Variants in SLC25A26 observed in about 807,000 individuals in gnomAD.
The protein encoded by SLC25A26 is solute carrier family 25 member 26, also known as mitochondrial S-adenosylmethionine carrier protein.
SLC25A26 carries 36 observed loss-of-function variants against 37.8 expected under a neutral mutation model. The ratio of observed to expected loss-of-function variants is 0.95; its 90% CI spans 0.73 to 1.26. The LOEUF is 1.26. Ranked by LOEUF, SLC25A26 falls within the 50% of genes most tolerant of loss-of-function variation. The pLI, the probability that SLC25A26 is intolerant of heterozygous loss-of-function variation, is 0.00. For synonymous variants in SLC25A26, 129 were observed against 122.5 expected, an observed-to-expected ratio of 1.05 and a Z score of -0.35; for missense variants, 390 against 331.1, an observed-to-expected ratio of 1.18 and a Z score of -1.38.
chr3:66,240,702 C>G (rs1263525546), intron 2 of SLC25A26, among the ~76,000 whole-genome samples: 1 of 150,842 alleles, frequency 6.6e-6, no homozygotes, highest in Non-Finnish European at 1.5e-5. Context: ...AGGCTAGTAT[C>G]TAAATATATT....
At chr3:66,267,458 G>A (rs1232018532) in intron 5 of SLC25A26, among the ~76,000 whole-genome samples, 1 of 152,170 alleles carries the variant, frequency 6.6e-6, no homozygotes, top group Non-Finnish European at 1.5e-5. Flanking sequence ...CTGTTTGCCA[G>A]GGACTGGAGT....
intron 1 of SLC25A26, among the ~76,000 whole-genome samples, chr3:66,150,050 A>G (rs535341644): frequency 1.1e-4 from 16 of 152,308 alleles, no homozygotes; most frequent in African/African-American, 3.8e-4. Flanking sequence ...CTCCTAATGC[A>G]TGGATCAATA....
At chr3:66,300,108 A>C (rs1320784526) in intron 5 of SLC25A26, among the ~76,000 whole-genome samples, 1 of 152,146 alleles carries the variant, frequency 6.6e-6, no homozygotes, top group Non-Finnish European at 1.5e-5. Flanking sequence ...CATATTTTCA[A>C]AATGCCCGTG....
intron 5 of SLC25A26, among the ~76,000 whole-genome samples, chr3:66,293,719 G>A (rs1011643315): frequency 2.0e-5 from 3 of 152,114 alleles, no homozygotes; most frequent in Non-Finnish European, 4.4e-5. Flanking sequence ...AGGAAGTGAT[G>A]TCGTTTTTTC....
rs138004379 is a variant in SLC25A26 at position 66,303,510 on chromosome 3, A to G, written c.453+40131A>G. Among the ~76,000 whole-genome samples, 760 of 152,326 alleles carry G rather than the reference A, an allele frequency of 5.0e-3. 11 individuals are homozygous for G. Among genetic ancestry groups the G allele is most frequent in the African/African-American group, 0.014 (562 of 41,580 alleles). ...GTAAGATTAGGCTGTAAGTCAGAAA[A>G]TATTGTAGGACTTCTGAAACTTTAA... On this transcript the variant is annotated intron_variant, in intron 5 of 9. Transcript: ENST00000354883.
chr3:66,338,730 T>G (rs1245061898), intron 5 of SLC25A26, among the ~76,000 whole-genome samples: 1 of 151,996 alleles, frequency 6.6e-6, no homozygotes, highest in Non-Finnish European at 1.5e-5. Context: ...AAACTACAGC[T>G]TCTAACGCAG....
chr3:66,327,074 A>G (rs1039775943), intron 5 of SLC25A26, among the ~76,000 whole-genome samples: 3 of 152,234 alleles, frequency 2.0e-5, no homozygotes, highest in African/African-American at 7.2e-5. Flanking sequence ...CCCCTAAAAT[A>G]GAATGACTTC....
chr3:66,289,170 G>A (rs2074617825), intron 5 of SLC25A26, among the ~76,000 whole-genome samples: 2 of 152,014 alleles, frequency 1.3e-5, no homozygotes, highest in African/African-American at 2.4e-5. Context: ...TTTTTGATGG[G>A]GTTGTTTGTT....
At chr3:66,192,931 G>C (rs1223895255) in intron 1 of SLC25A26, among the ~76,000 whole-genome samples, 3 of 151,860 alleles carry the variant, frequency 2.0e-5, no homozygotes, top group Non-Finnish European at 4.4e-5. Flanking sequence ...TTTCTATCCT[G>C]TAGATGTCTC....
intron 1 of SLC25A26, among the ~76,000 whole-genome samples, chr3:66,155,459 G>A (rs2070268438): frequency 6.6e-6 from 1 of 152,184 alleles, no homozygotes; most frequent in East Asian, 1.9e-4. Context: ...GCTACAGTGA[G>A]CCACTGTGAT....
At chr3:66,323,558 C>T (rs2075753121) in intron 5 of SLC25A26, among the ~76,000 whole-genome samples, 1 of 152,162 alleles carries the variant, frequency 6.6e-6, no homozygotes, top group Admixed American at 6.5e-5. Flanking sequence ...GTAATCCCAG[C>T]ACTTTGAGAG....
At chr3:66,263,614 G>A (rs892820554) in intron 5 of SLC25A26, among the ~76,000 whole-genome samples, 1 of 152,130 alleles carries the variant, frequency 6.6e-6, no homozygotes, top group Non-Finnish European at 1.5e-5. Context: ...TGTTGTTACT[G>A]ACTTGTTATT....
upstream of SLC25A26, chr3:66,220,794 A>G (rs1553657917): frequency 4.0e-6 from 2 of 498,604 alleles, no homozygotes; most frequent in Admixed American, 7.9e-5. Flanking sequence ...GATCTCGGCC[A>G]CGGATCTTTT....
At chr3:66,139,433 A>G (rs1304808805) in intron 1 of SLC25A26, among the ~76,000 whole-genome samples, 3 of 152,252 alleles carry the variant, frequency 2.0e-5, no homozygotes, top group Admixed American at 6.5e-5. Context: ...TTCCTTTTCC[A>G]TAATTTATAG....
chr3:66,250,316 AGATACT>A (rs1490156915), intron 3 of SLC25A26, among the ~76,000 whole-genome samples: 1 of 152,196 alleles, frequency 6.6e-6, no homozygotes, highest in Non-Finnish European at 1.5e-5. Flanking sequence ...TGACAGGATA[AGATACT>A]GCCTTTTAGA....
At chr3:66,370,315 G>A (rs1293553018) in intron 8 of SLC25A26, among the ~76,000 whole-genome samples, 2 of 152,174 alleles carry the variant, frequency 1.3e-5, no homozygotes, top group Admixed American at 1.3e-4. Context: ...AGCCACCTGT[G>A]TGGCATGGGC....
At chr3:66,324,677 G>A (rs1490374089) in intron 5 of SLC25A26, among the ~76,000 whole-genome samples, 2 of 152,174 alleles carry the variant, frequency 1.3e-5, no homozygotes, top group Non-Finnish European at 2.9e-5. Context: ...CTACACCCAG[G>A]AATGAACAAG....
chr3:66,198,775 C>A (rs1251448639), intron 1 of SLC25A26, among the ~76,000 whole-genome samples: 2 of 151,994 alleles, frequency 1.3e-5, no homozygotes, highest in African/African-American at 4.8e-5. Context: ...TCCTCATCCT[C>A]ACACTAACTC....
chr3:66,207,101 T>C (rs2071191168), intron 1 of SLC25A26, among the ~76,000 whole-genome samples: 1 of 151,952 alleles, frequency 6.6e-6, no homozygotes, highest in African/African-American at 2.4e-5. Context: ...TAAAACCTAA[T>C]ACGATATTTT....
Sources: allele counts gnomAD v4.1 joint callset (sites outside exome capture counted in the v4.1 genomes callset), GRCh38; gene constraint gnomAD v4.1.1; transcripts MANE v1.5; gene names NCBI Gene and HGNC (gene_info 2026-07-23, HGNC 2026-07-21).